TUB: variants seen among roughly 807,000 people sequenced by gnomAD.
The protein encoded by TUB is tubby protein homolog.
TUB carries 33 observed loss-of-function variants against 59.7 expected under a neutral mutation model. The ratio of observed to expected loss-of-function variants is 0.55; its 90% CI spans 0.42 to 0.74. The LOEUF is 0.74. TUB is among the 30% of genes least tolerant of loss of function. The pLI is 0.00. For missense variants in TUB, 659 were observed against 672.0 expected (o/e 0.98, Z 0.21); for synonymous variants, 293 against 256.4 (o/e 1.14, Z -1.36).
chr11:8,089,773 G>A, intron 2 of TUB, 112 bp downstream of exon 2: 2 of 1,408,758 alleles, frequency 1.4e-6, no homozygotes, highest in East Asian at 4.6e-5. Flanking sequence ...TGGGGGATGG[G>A]ATTCCCATGT....
intron 1 of TUB, among the ~76,000 whole-genome samples, 192 bp from the exon 2 acceptor site, chr11:8,089,418 G>A (rs1943729309): frequency 1.3e-5 from 2 of 152,112 alleles, no homozygotes; most frequent in South Asian, 4.1e-4. Flanking sequence ...GTGGCAGCTC[G>A]AGCCCTTTTG....
intron 3 of TUB, among the ~76,000 whole-genome samples, chr11:8,093,832 G>A (rs1460446758): frequency 2.0e-5 from 3 of 152,184 alleles, no homozygotes; most frequent in African/African-American, 7.2e-5. Flanking sequence ...ACTGGGCTGG[G>A]GGTGCCGCCT....
In TUB at chr11:8,100,530, C is replaced by A; in HGVS notation, c.1144C>A (p.Pro382Thr). The change falls in exon 10 of 12, where the codon CCT becomes ACT. Residue 382 changes from proline (P) to threonine (T), a missense_variant. By Grantham distance (38) the Pro-to-Thr change is conservative. This residue lies in a region of TUB where 226 missense variants were observed against 210.8 expected (regional missense o/e 1.07). Transcript: ENST00000299506. Reference sequence around the variant, plus strand: ...GACAAACGTCTTAGGCTTCAAGGGGCCTCGGAAGATGAGCGTGATTGTCCC... The same window carrying A: ...GACAAACGTCTTAGGCTTCAAGGGGACTCGGAAGATGAGCGTGATTGTCCC... ...YETNVLGFKG[P>T]RKMSVIVPGM... The A allele has an allele frequency of 6.2e-7, 1 of 1,614,092 alleles. No individual in the cohort carries two copies. Among genetic ancestry groups the A allele is most frequent in the Non-Finnish European group, 8.5e-7 (1 of 1,180,008 alleles).
upstream of TUB, among the ~76,000 whole-genome samples, chr11:8,078,653 G>A (rs945273781): frequency 4.6e-5 from 7 of 151,986 alleles, no homozygotes; most frequent in African/African-American, 4.8e-5. Context: ...TCTCCTGCAC[G>A]CGTACCATCC....
At chr11:8,031,669 T>TA (rs1942573017) in intron 1 of TUB, among the ~76,000 whole-genome samples, 1 of 152,338 alleles carries the variant, frequency 6.6e-6, no homozygotes, top group South Asian at 2.1e-4. Context: ...GTCTCACTTT[T>TA]AGTGTAACTG....
At chr11:8,048,585 T>C (rs55961279) in intron 2 of TUB, among the ~76,000 whole-genome samples, 32,337 of 151,908 alleles carry the variant, frequency 0.21, 3,849 homozygotes, top group African/African-American at 0.31. Flanking sequence ...GTTTTCTTTT[T>C]TGTGGAGACA....
rs146650842 is a variant in TUB at position 8,094,150 on chromosome 11, G to A, written c.358G>A (p.Gly120Ser). Reference protein sequence around the residue: ...TKAAATAGGQGGAARKEKKGK... With the variant: ...TKAAATAGGQSGAARKEKKGK... ...GGCGGCAGCTACAGCAGGGGGCCAG[G>A]GTGGCGCCGCTAGGAAGGAGAAGAA... Residue 120 changes from glycine to serine, a missense_variant, in exon 4 of 12, where the codon GGT becomes AGT. Physicochemically the swap from Gly to Ser is moderately conservative, Grantham distance 56 (BLOSUM62 0). Around this residue, in one of 3 missense-constraint regions of TUB, gnomAD observed 321 missense variants for 304.3 expected, o/e 1.05. Transcript: ENST00000299506. The A allele has an allele frequency of 7.8e-5, 126 of 1,614,026 alleles. No individual in the cohort carries two copies. In the African/African-American group the frequency reaches 1.6e-3, roughly 20 times the overall value.
At chr11:8,072,160 A>C (rs140215854) in intron 2 of TUB, among the ~76,000 whole-genome samples, 268 of 152,308 alleles carry the variant, frequency 1.8e-3, no homozygotes, top group African/African-American at 6.3e-3. Flanking sequence ...CAAAGGACGC[A>C]GAGGGGGAAG....
rs17847542 is a variant in TUB at position 8,097,167 on chromosome 11, A to T, written c.688-61A>T. ...GTTAGGAGGCAGATTTGGATCCCAG[A>T]CCACCAATTTGGGCTGCTTAGGGTC... On this transcript the variant is annotated intron_variant, in intron 6 of 11. Coordinates refer to ENST00000299506, the MANE Select transcript of TUB (RefSeq NM_177972.3). 275 of 1,582,578 alleles carry T rather than the reference A, an allele frequency of 1.7e-4. No individual in the cohort carries two copies. In the East Asian group the frequency reaches 6.0e-3, roughly 34 times the overall value.
chr11:8,098,998 G>C, intron 9 of TUB, 123 bp downstream of exon 9: 1 of 754,656 alleles, frequency 1.3e-6, no homozygotes. Context: ...GAGAGGGGCT[G>C]TCCTCTGTGG....
At chr11:8,097,107 C>T (rs1944030882) in intron 6 of TUB, 121 bp from the exon 7 acceptor site, 3 of 1,154,642 alleles carry the variant, frequency 2.6e-6, no homozygotes, top group Non-Finnish European at 3.7e-6. Context: ...GGCCAGGCCC[C>T]AATCCCAGGA....
At position 8,069,512 on chromosome 11, in the gene TUB, C is replaced by T. The variant is rs553388916; in HGVS notation, c.204-20098C>T. 6.6e-5 allele frequency: 10 copies of T among 152,196 alleles called. No homozygotes were observed. In the East Asian group the frequency reaches 7.7e-4, roughly 12 times the overall value. 9.4% of individuals were successfully genotyped at this position (152,196 alleles called of 1,614,324 possible). A position where few individuals can be genotyped will look rare whatever the true frequency, so the allele number is the denominator to read the frequency against. ...CGTTTCACATGACATTCCTGTCCACCGTCACACTGCTTCAGTTGTTGCAGA... is the reference window on the plus strand; with the variant it reads ...CGTTTCACATGACATTCCTGTCCACTGTCACACTGCTTCAGTTGTTGCAGA... On this transcript the variant is annotated intron_variant, in intron 2 of 12. Transcript: ENST00000305253.
intron 9 of TUB, among the ~76,000 whole-genome samples, chr11:8,099,380 C>G (rs1195207140): frequency 1.3e-5 from 2 of 152,088 alleles, no homozygotes; most frequent in East Asian, 1.9e-4. Flanking sequence ...CCCTTTGAAC[C>G]TTTTTCTTCA....
At chr11:8,095,889 C>A (rs1186587215) in intron 5 of TUB, among the ~76,000 whole-genome samples, 1 of 152,230 alleles carries the variant, frequency 6.6e-6, no homozygotes, top group African/African-American at 2.4e-5. Context: ...CCTTTTGCTC[C>A]TTAGAAAAAG....
chr11:8,087,210 C>T (rs1373755219), intron 1 of TUB, among the ~76,000 whole-genome samples: 3 of 152,206 alleles, frequency 2.0e-5, no homozygotes, highest in Admixed American at 6.5e-5. Flanking sequence ...CCAGCATTTC[C>T]GGAGGTGGCA....
intron 1 of TUB, chr11:8,019,480 A>T: frequency 9.8e-7 from 1 of 1,025,010 alleles, no homozygotes; most frequent in Non-Finnish European, 1.2e-6. Flanking sequence ...GGGCTTGGGC[A>T]CCCGGACCCT....
intron 7 of TUB, 61 bp from the exon 8 acceptor site, chr11:8,097,653 C>G (rs765039675): frequency 2.7e-6 from 4 of 1,469,510 alleles, no homozygotes; most frequent in Non-Finnish European, 3.8e-6. Flanking sequence ...GTGAGTGGCT[C>G]TCATGACTGT....
chr11:8,096,625 A>AT (rs1944005019), intron 5 of TUB, 60 bp from the exon 6 acceptor site: 2 of 1,139,024 alleles, frequency 1.8e-6, no homozygotes, highest in African/African-American at 3.1e-5. Context: ...GACCATGTGT[A>AT]TTTCAGGGGC....
rs1944365402 is a variant in TUB at position 8,102,898 on chromosome 11, G to A, written c.*1279G>A. The A allele has an allele frequency of 1.5e-5, 1 of 65,850 alleles. No individual in the cohort carries two copies. Among genetic ancestry groups the A allele is most frequent in the Admixed American group, 2.0e-4 (1 of 4,936 alleles). 4.1% of individuals were successfully genotyped at this position (65,850 alleles called of 1,614,324 possible). On this transcript the variant is annotated 3_prime_UTR_variant, in exon 12 of 12. Coordinates refer to ENST00000299506, the MANE Select transcript of TUB (RefSeq NM_177972.3). ...GTTCCCACTGTCCCCCAAGAAACTA[G>A]TATCTCTGGCCTCCTGGGGGCCCAT... is the stretch of plus-strand genomic sequence containing the variant.
Sources: allele counts gnomAD v4.1 joint callset (sites outside exome capture counted in the v4.1 genomes callset), GRCh38; gene constraint gnomAD v4.1.1; regional missense constraint gnomAD v4.1.1; transcripts MANE v1.5; gene names NCBI Gene and HGNC (gene_info 2026-07-23, HGNC 2026-07-21).